The following PRKX variants were observed in gnomAD, a reference collection of about 807,000 sequenced individuals.
PRKX encodes cAMP-dependent protein kinase catalytic subunit PRKX.
In PRKX, 12 loss-of-function variants were observed where a neutral mutation model predicts 22.0. The observed-to-expected ratio is 0.54, with a 90% confidence interval of 0.35 to 0.88. PRKX has a LOEUF of 0.88. PRKX is among the 40% of genes least tolerant of loss of function. The probability of loss-of-function intolerance (pLI) is 0.01; values close to 1 mark genes in which losing one functional copy is unlikely to be tolerated. For missense variants in PRKX, 217 were observed against 308.0 expected, an observed-to-expected ratio of 0.70 and a Z score of 2.21; for synonymous variants, 134 against 137.7, an observed-to-expected ratio of 0.97 and a Z score of 0.19.
intron 1 of PRKX, among the ~76,000 whole-genome samples, chrX:3,701,621 C>G (rs1405345861): frequency 8.9e-6 from 1 of 112,284 alleles, no homozygotes; most frequent in African/African-American, 3.2e-5. Context: ...TGAAGAGGAG[C>G]TGGGTAAAAT....
chrX:3,656,027 T>G (rs1927474118), intron 2 of PRKX, among the ~76,000 whole-genome samples: 1 of 111,063 alleles, frequency 9.0e-6, no homozygotes, highest in South Asian at 3.8e-4. Context: ...TGTATGGGCA[T>G]AGACAAATAA....
At chrX:3,679,334 G>C (rs1437667938) in intron 1 of PRKX, among the ~76,000 whole-genome samples, 1 of 111,920 alleles carries the variant, frequency 8.9e-6, no homozygotes, top group East Asian at 2.8e-4. Context: ...TCGATTTTTT[G>C]CATGAATTTG....
chrX:3,622,975 A>G (rs759909487), intron 5 of PRKX, among the ~76,000 whole-genome samples: 3 of 111,868 alleles, frequency 2.7e-5, no homozygotes, highest in South Asian at 3.7e-4. Flanking sequence ...GTGCAATTAT[A>G]AGACAGGTTT....
intron 5 of PRKX, among the ~76,000 whole-genome samples, chrX:3,625,897 T>C (rs1380542969): frequency 2.7e-5 from 3 of 111,917 alleles, no homozygotes; most frequent in Admixed American, 9.6e-5. Flanking sequence ...GAAAATAATA[T>C]ATTTTTTCCC....
chrX:3,671,807 G>T (rs1184462455), intron 2 of PRKX, among the ~76,000 whole-genome samples: 2 of 110,886 alleles, frequency 1.8e-5, no homozygotes, highest in Non-Finnish European at 3.8e-5. Context: ...GGGCAGCAAA[G>T]TAAGATCCCA....
chrX:3,683,562 C>T (rs1438208298), intron 1 of PRKX, among the ~76,000 whole-genome samples: 8 of 112,094 alleles, frequency 7.1e-5, no homozygotes, highest in Admixed American at 3.8e-4. Context: ...CTAGGCTGGG[C>T]AGGGTGGCTC....
chrX:3,673,140 C>G (rs1927881378), intron 2 of PRKX, among the ~76,000 whole-genome samples: 1 of 111,446 alleles, frequency 9.0e-6, no homozygotes, highest in Non-Finnish European at 1.9e-5. Flanking sequence ...CGAGGTGCTT[C>G]AAGAACATGA....
intron 1 of PRKX, among the ~76,000 whole-genome samples, chrX:3,696,386 A>G (rs774686577): frequency 8.9e-6 from 1 of 112,026 alleles, no homozygotes; most frequent in Non-Finnish European, 1.9e-5. Context: ...TCAAAAATGC[A>G]TCGAATACAC....
chrX:3,666,894 C>A (rs1257303357), intron 2 of PRKX, among the ~76,000 whole-genome samples: 25 of 65,125 alleles, frequency 3.8e-4, no homozygotes, highest in Non-Finnish European at 5.7e-4. Flanking sequence ...GGCAACAGAG[C>A]AAGACCTCAT....
At chrX:3,618,985 G>A (rs952357224) in intron 6 of PRKX, among the ~76,000 whole-genome samples, 32 of 112,218 alleles carry the variant, frequency 2.9e-4, no homozygotes, top group African/African-American at 9.1e-4. Flanking sequence ...GAAGGTATCC[G>A]TTGCTGTCCG....
intron 1 of PRKX, among the ~76,000 whole-genome samples, chrX:3,696,723 G>C (rs1339194121): frequency 8.9e-6 from 1 of 112,284 alleles, no homozygotes; most frequent in Non-Finnish European, 1.9e-5. Flanking sequence ...TTATAAGACA[G>C]ACTTTTTTTT....
intron 1 of PRKX, among the ~76,000 whole-genome samples, chrX:3,702,006 T>C (rs1928586811): frequency 8.9e-6 from 1 of 112,192 alleles, no homozygotes; most frequent in Non-Finnish European, 1.9e-5. Flanking sequence ...AGCCATTCTT[T>C]TATTCCTCTA....
In PRKX at chrX:3,676,312, C is replaced by T. The variant is rs975034158; in HGVS notation, c.167-1546G>A. Among the ~76,000 whole-genome samples, 8 of 111,760 alleles carry T rather than the reference C, an allele frequency of 7.2e-5. 1 individual carries two copies. The highest frequency in any genetic ancestry group is 1.9e-4 in the African/African-American group (6 of 30,807). ...CTTCTGAGGAACCAACATCTGTTGA[C>T]GAGCAAATCTCACCGATCAATATTG... On this transcript the variant is annotated intron_variant, in intron 1 of 8. Coordinates refer to ENST00000262848, the MANE Select transcript of PRKX (RefSeq NM_005044.5).
At position 3,652,350 on chromosome X, in the gene PRKX, A is replaced by G. The variant is rs758155570; in HGVS notation, c.599+2799T>C. 1.8e-4 allele frequency among the ~76,000 whole-genome samples: 19 copies of G among 108,383 alleles called. No homozygotes were observed. The East Asian group carries it at 5.3e-3, about 30-fold the overall frequency. 94.1% of individuals were successfully genotyped at this position (108,383 alleles called of 115,157 possible). On this transcript the variant is annotated intron_variant, in intron 3 of 8. Coordinates refer to ENST00000262848, the MANE Select transcript of PRKX (RefSeq NM_005044.5). ...GGAGAATGGCGTGAACTCGGGAGGC[A>G]GAGCTTGCAGTGAGCTGAGATCATG... is the stretch of plus-strand genomic sequence containing the variant.
intron 3 of PRKX, among the ~76,000 whole-genome samples, chrX:3,646,395 T>G (rs747988709): frequency 4.7e-4 from 53 of 112,234 alleles, no homozygotes; most frequent in Non-Finnish European, 9.2e-4. Context: ...AGCCTCACTT[T>G]CTGTCTCTCC....
chrX:3,671,313 T>C, intron 2 of PRKX, among the ~76,000 whole-genome samples: 1 of 111,512 alleles, frequency 9.0e-6, no homozygotes, highest in Middle Eastern at 4.6e-3. Context: ...CAGGCTGGTC[T>C]GGAACTCCTG....
chrX:3,707,267 T>C (rs1928704288), intron 1 of PRKX, among the ~76,000 whole-genome samples: 1 of 112,260 alleles, frequency 8.9e-6, no homozygotes, highest in Admixed American at 9.5e-5. Flanking sequence ...GATAATGCCA[T>C]CATCCATTCA....
chrX:3,685,846 G>C (rs1468608620), intron 1 of PRKX, among the ~76,000 whole-genome samples: 1 of 111,998 alleles, frequency 8.9e-6, no homozygotes, highest in Non-Finnish European at 1.9e-5. Flanking sequence ...AGGCGTCCAA[G>C]ACCAGCCCAG....
At chrX:3,670,330 G>A (rs996488821) in intron 2 of PRKX, 4 of 123,004 alleles carry the variant, frequency 3.3e-5, no homozygotes, top group Non-Finnish European at 5.6e-5. Flanking sequence ...GTGCTCTCTC[G>A]TGTTATGTAC....
Sources: gnomAD v4.1 joint callset for allele counts (sites outside exome capture counted in the v4.1 genomes callset) on GRCh38, gnomAD v4.1.1 for gene constraint, MANE v1.5 for transcripts, NCBI Gene and HGNC (gene_info 2026-07-23, HGNC 2026-07-21) for gene names.